The following EXOC2 variants were observed in gnomAD, a reference collection of about 807,000 sequenced individuals.
EXOC2 encodes the protein exocyst complex component 2.
In EXOC2, 70 loss-of-function variants were observed where a neutral mutation model predicts 131.8. The observed-to-expected ratio is 0.53, with a 90% CI of 0.44 to 0.65. The LOEUF is 0.65. EXOC2 is among the 30% of genes least tolerant of loss of function. The pLI is 0.00. For synonymous variants in EXOC2, 411 were observed against 398.4 expected (o/e 1.03, Z -0.38); for missense variants, 923 against 1,108.6 (o/e 0.83, Z 2.38).
chr6:563,482 C>T (rs9378934), intron 16 of EXOC2, among the ~76,000 whole-genome samples: 13,451 of 152,202 alleles, frequency 0.088, 796 homozygotes, highest in East Asian at 0.14. Flanking sequence ...AAGGCCTGTG[C>T]CATTTTAGCA....
chr6:509,997 T>TA (rs1764754625), intron 23 of EXOC2, among the ~76,000 whole-genome samples: 2 of 152,198 alleles, frequency 1.3e-5, no homozygotes, highest in Admixed American at 1.3e-4. Context: ...TACTTTTTTT[T>TA]ATTGTCAAAC....
intron 7 of EXOC2, among the ~76,000 whole-genome samples, chr6:605,578 T>C (rs1017893698): frequency 1.3e-5 from 2 of 152,204 alleles, no homozygotes; most frequent in African/African-American, 2.4e-5. Context: ...TTGCATCTAT[T>C]TGATTCTTCT....
chr6:527,248 G>A (rs531321514), intron 23 of EXOC2, among the ~76,000 whole-genome samples: 52 of 152,238 alleles, frequency 3.4e-4, no homozygotes, highest in Admixed American at 3.3e-3. Context: ...CTCCATTCTT[G>A]TAGCATTTTT....
chr6:534,700 G>A (rs1766333753), intron 22 of EXOC2, among the ~76,000 whole-genome samples: 1 of 152,210 alleles, frequency 6.6e-6, no homozygotes, highest in South Asian at 2.1e-4. Context: ...TTTCACCCAT[G>A]TAATGAGAAA....
In EXOC2 at chr6:636,927, G is replaced by T. The variant is rs113851158; in HGVS notation, c.118+774C>A. 1.7e-3 allele frequency among the ~76,000 whole-genome samples: 262 copies of T among 152,238 alleles called. 2 individuals are homozygous for T. Among genetic ancestry groups the T allele is most frequent in the African/African-American group, 6.1e-3 (255 of 41,532 alleles). ...ATCTTTAGAGACTGAAACTTAGTAG[G>T]CCAAATGATTTACGTTTAAAGTTCT... On this transcript the variant is annotated intron_variant, in intron 2 of 27. Transcript: ENST00000230449.
At chr6:497,607 T>A in intron 24 of EXOC2, 118 bp from the exon 25 acceptor site, 1 of 1,302,756 alleles carries the variant, frequency 7.7e-7, no homozygotes, top group Non-Finnish European at 1.0e-6. Context: ...TAAGTCATTT[T>A]TAAAAGGCCA....
At position 555,229 on chromosome 6, in the gene EXOC2, T is replaced by G; in HGVS notation, c.2052A>C (p.Thr684=). 1 of 1,491,394 alleles carries G rather than the reference T, an allele frequency of 6.7e-7. No homozygotes were observed. The highest frequency in any genetic ancestry group is 9.1e-7 in the Non-Finnish European group (1 of 1,102,016). 92.4% of individuals were successfully genotyped at this position (1,491,394 alleles called of 1,614,324 possible). Reference sequence around the variant, plus strand: ...AGATTAATTTAATTTTTACTTACTGTGTAGTATCTATATCTGCATCAGGCT... The same window carrying G: ...AGATTAATTTAATTTTTACTTACTGGGTAGTATCTATATCTGCATCAGGCT... ...STKPDADIDT[T]HLSVDVSSPD... Residue 684 remains threonine, a splice_region_variant and synonymous_variant, in exon 20 of 28, where the codon ACA becomes ACC. Coordinates refer to ENST00000230449, the MANE Select transcript of EXOC2 (RefSeq NM_018303.6).
intron 17 of EXOC2, among the ~76,000 whole-genome samples, chr6:559,577 G>A (rs1410520244): frequency 2.6e-5 from 4 of 152,176 alleles, no homozygotes; most frequent in Non-Finnish European, 5.9e-5. Context: ...CGTCCCTGCA[G>A]ATAGTTATGT....
intron 1 of EXOC2, among the ~76,000 whole-genome samples, chr6:685,812 T>G (rs938549619): frequency 6.6e-6 from 1 of 151,346 alleles, no homozygotes; most frequent in Non-Finnish European, 1.5e-5. Context: ...GAAGGGCCAT[T>G]TGCAGAAGGG....
chr6:578,316 C>G (rs188149447), intron 11 of EXOC2, among the ~76,000 whole-genome samples: 1 of 152,124 alleles, frequency 6.6e-6, no homozygotes, highest in African/African-American at 2.4e-5. Context: ...AGCTCCCTCC[C>G]GCATGTGAGG....
At chr6:584,453 C>T (rs941911733) in intron 11 of EXOC2, among the ~76,000 whole-genome samples, 5 of 152,122 alleles carry the variant, frequency 3.3e-5, no homozygotes, top group Non-Finnish European at 7.4e-5. Flanking sequence ...AAAATATGGA[C>T]TTTGTGTATC....
chr6:489,091 G>T, intron 26 of EXOC2, 53 bp from the exon 27 acceptor site: 1 of 1,558,502 alleles, frequency 6.4e-7, no homozygotes, highest in Admixed American at 1.7e-5. Flanking sequence ...GAGAACTGCT[G>T]ACAAATTCTT....
intron 24 of EXOC2, 132 bp from the exon 25 acceptor site, chr6:497,621 T>C (rs1763815566): frequency 8.4e-7 from 1 of 1,194,582 alleles, no homozygotes; most frequent in Non-Finnish European, 1.1e-6. Flanking sequence ...AAGGCCAAAA[T>C]TATAAATGAA....
At chr6:664,802 G>A (rs913260975) in intron 1 of EXOC2, among the ~76,000 whole-genome samples, 1 of 152,130 alleles carries the variant, frequency 6.6e-6, no homozygotes, top group East Asian at 1.9e-4. Flanking sequence ...GGTGGATTAA[G>A]GACTTAAACC....
chr6:688,198 C>T (rs745484625), intron 1 of EXOC2, among the ~76,000 whole-genome samples: 4 of 152,118 alleles, frequency 2.6e-5, no homozygotes, highest in Non-Finnish European at 5.9e-5. Flanking sequence ...ATGAAAGGTT[C>T]GAAAAGCGTG....
At chr6:656,578 C>A (rs772710009) in intron 1 of EXOC2, 6 of 1,592,286 alleles carry the variant, frequency 3.8e-6, no homozygotes, top group Non-Finnish European at 5.1e-6. Context: ...CGAGCGCGGC[C>A]CAGGGACGAG....
intron 24 of EXOC2, 51 bp downstream of exon 24, chr6:499,594 T>C: frequency 6.8e-7 from 1 of 1,474,382 alleles, no homozygotes; most frequent in Non-Finnish European, 9.4e-7. Flanking sequence ...TCTTTCTTTT[T>C]TCTTTTTTTT....
chr6:626,922 C>T (rs533116576), intron 4 of EXOC2, among the ~76,000 whole-genome samples: 31 of 152,246 alleles, frequency 2.0e-4, no homozygotes, highest in African/African-American at 7.2e-4. Flanking sequence ...TTTCCACAAA[C>T]AAATAATACT....
intron 6 of EXOC2, among the ~76,000 whole-genome samples, chr6:614,918 T>A (rs1760904438): frequency 7.5e-6 from 1 of 133,140 alleles, no homozygotes; most frequent in Admixed American, 8.2e-5. Context: ...AACAAAAATT[T>A]ACTAAAAACT....
Sources: allele counts gnomAD v4.1 joint callset (sites outside exome capture counted in the v4.1 genomes callset), GRCh38; gene constraint gnomAD v4.1.1; transcripts MANE v1.5; gene names NCBI Gene and HGNC (gene_info 2026-07-23, HGNC 2026-07-21).